The following ITSN2 variants were observed in gnomAD, a reference collection of about 807,000 sequenced individuals.
The protein encoded by ITSN2 is intersectin 2, also known as intersectin-2.
Under a neutral mutation model 243.7 loss-of-function variants are expected in ITSN2, and 156 were observed. The ratio of observed to expected loss-of-function variants is 0.64; its 90% CI spans 0.56 to 0.73. The LOEUF (loss-of-function observed/expected upper bound fraction) is 0.73. Ranked by LOEUF, ITSN2 falls within the 30% of genes least tolerant of loss-of-function variation. The pLI is 0.00. For synonymous variants in ITSN2, 703 were observed against 699.9 expected (o/e 1.00, Z -0.07); for missense variants, 1,801 against 1,996.1 (o/e 0.90, Z 1.86).
At chr2:24,268,546 G>A (rs893242096) in intron 20 of ITSN2, among the ~76,000 whole-genome samples, 12 of 152,224 alleles carry the variant, frequency 7.9e-5, no homozygotes, top group African/African-American at 2.6e-4. Flanking sequence ...TCTACACACT[G>A]ATCTGAGGGG....
intron 37 of ITSN2, chr2:24,206,396 G>GC (rs147395337): frequency 1.7e-5 from 4 of 239,982 alleles, no homozygotes; most frequent in East Asian, 1.7e-4. Context: ...GATGCAGGGG[G>GC]CCGGCGGGGA....
chr2:24,246,102 A>C, intron 29 of ITSN2, 27 bp downstream of exon 29: 1 of 1,523,310 alleles, frequency 6.6e-7, no homozygotes, highest in Non-Finnish European at 9.0e-7. Flanking sequence ...ACACTAGGTG[A>C]GAGAAAAATA....
chr2:24,204,439 GAC>G lies in ITSN2; in HGVS notation c.4763-23_4763-22del, dbSNP rs778220847. 6.2e-7 allele frequency: 1 copy of G among 1,608,032 alleles called. No individual in the cohort carries two copies. The highest frequency in any genetic ancestry group is 1.3e-5 in the African/African-American group (1 of 74,820). On this transcript the variant is annotated intron_variant, in intron 38 of 39. Transcript: ENST00000355123. This position sits in a 1 kb window ranked among gnomAD's most constrained non-coding sequence, Gnocchi z 5.1. ...CTTTCCTGAACAAAAACAAACCACA[GAC>G]ACATGTGGTGCATGCAGGTAAAACG...
Position 24,249,032 on chromosome 2 carries a change from A to T in ITSN2, c.3121-150T>A, listed in dbSNP as rs775127277. ...ATGACAATGAACCTCATGCAGTATT[A>T]ACAAATAAGTGAAAAATCCAACACT... On this transcript the variant is annotated intron_variant, in intron 25 of 39. Transcript: ENST00000355123. The surrounding 1 kb of genome is among the most constrained non-coding windows in gnomAD (Gnocchi z 4.4). 3 of 784,480 alleles carry T rather than the reference A, an allele frequency of 3.8e-6. No individual in the cohort carries two copies. The highest frequency in any genetic ancestry group is 6.2e-6 in the Non-Finnish European group (3 of 487,592). 48.6% of individuals were successfully genotyped at this position (784,480 alleles called of 1,614,324 possible). A position where few individuals can be genotyped will look rare whatever the true frequency, so the allele number is the denominator to read the frequency against.
upstream of ITSN2, among the ~76,000 whole-genome samples, chr2:24,361,044 T>A (rs367840429): frequency 2.0e-5 from 3 of 152,182 alleles, no homozygotes; most frequent in African/African-American, 7.2e-5. Context: ...ACAGGCCTCT[T>A]GAACCCTTCT....
intron 11 of ITSN2, 93 bp downstream of exon 11, chr2:24,301,061 T>C: frequency 1.5e-6 from 1 of 687,826 alleles, no homozygotes; most frequent in Non-Finnish European, 2.4e-6. Flanking sequence ...CATCAAATAT[T>C]AAAAATATAA....
At chr2:24,228,638 C>A (rs922988808) in intron 29 of ITSN2, among the ~76,000 whole-genome samples, 3 of 152,076 alleles carry the variant, frequency 2.0e-5, no homozygotes, top group African/African-American at 4.8e-5. Context: ...GGAAAGGTAA[C>A]CACTCAAAGA....
At chr2:24,216,438 G>C in intron 31 of ITSN2, 1 of 420,948 alleles carries the variant, frequency 2.4e-6, no homozygotes, top group Non-Finnish European at 4.2e-6. Context: ...TGTCAGCAAA[G>C]AAAAAAAAAG....
intron 20 of ITSN2, among the ~76,000 whole-genome samples, chr2:24,270,256 T>C (rs993225125): frequency 6.6e-6 from 1 of 152,228 alleles, no homozygotes; most frequent in African/African-American, 2.4e-5. Flanking sequence ...TATTCATGTA[T>C]TTTATATGGA....
intron 1 of ITSN2, among the ~76,000 whole-genome samples, chr2:24,352,432 C>G (rs1688105836): frequency 1.3e-5 from 2 of 152,118 alleles, no homozygotes; most frequent in Admixed American, 1.3e-4. Context: ...AATAAAAGGA[C>G]ATGTTTTTCT....
chr2:24,243,517 G>C (rs373434763), intron 29 of ITSN2, among the ~76,000 whole-genome samples: 1 of 151,948 alleles, frequency 6.6e-6, no homozygotes, highest in African/African-American at 2.4e-5. Context: ...TTTGAGACAG[G>C]GTCTCACTCT....
At chr2:24,279,391 A>G (rs573095906) in intron 17 of ITSN2, among the ~76,000 whole-genome samples, 1 of 152,360 alleles carries the variant, frequency 6.6e-6, no homozygotes, top group South Asian at 2.1e-4. Flanking sequence ...CCAAAATACT[A>G]AAGATATTTT....
At chr2:24,254,656 C>T (rs1674783913) in intron 23 of ITSN2, among the ~76,000 whole-genome samples, 1 of 151,972 alleles carries the variant, frequency 6.6e-6, no homozygotes, top group Admixed American at 6.6e-5. Flanking sequence ...TTTAAAATTT[C>T]AATATGATTT....
intron 17 of ITSN2, among the ~76,000 whole-genome samples, chr2:24,278,541 A>G (rs1362684379): frequency 2.6e-5 from 4 of 151,850 alleles, no homozygotes; most frequent in African/African-American, 9.7e-5. Flanking sequence ...CCTTAGACCT[A>G]TTCCTCTGGG....
intron 2 of ITSN2, among the ~76,000 whole-genome samples, chr2:24,322,825 A>G (rs1356092451): frequency 6.6e-6 from 1 of 152,190 alleles, no homozygotes; most frequent in African/African-American, 2.4e-5. Flanking sequence ...AACATATTCA[A>G]TAAATATAGG....
At chr2:24,259,590 T>TAATATGGCTG (rs1675540858) in intron 22 of ITSN2, among the ~76,000 whole-genome samples, 1 of 152,214 alleles carries the variant, frequency 6.6e-6, no homozygotes, top group East Asian at 1.9e-4. Flanking sequence ...CCTTTCTCCA[T>TAATATGGCTG]GAATCCTGTA....
At chr2:24,212,510 G>A in intron 33 of ITSN2, 140 bp downstream of exon 33, 2 of 620,028 alleles carry the variant, frequency 3.2e-6, no homozygotes, top group African/African-American at 1.9e-5. Context: ...TGGTCCCCGG[G>A]ACAGTGGGAT....
chr2:24,207,514 T>G (rs908729324), intron 37 of ITSN2, among the ~76,000 whole-genome samples: 4 of 151,962 alleles, frequency 2.6e-5, no homozygotes, highest in Admixed American at 6.6e-5. Context: ...GTGGCTAGCC[T>G]GACCCTGAAG....
In ITSN2 at chr2:24,223,706, G is replaced by A. The variant is rs1172366358; in HGVS notation, c.3578-2640C>T. The stretch of plus-strand genomic sequence containing the variant: ...TTCAAAAAAAAAAAAAAAAGGAAAA[G>A]AAAGGAACAGGGAGAAGGAAGGAAA... On this transcript the variant is annotated intron_variant, in intron 29 of 39. Transcript: ENST00000355123. 2.0e-4 allele frequency among the ~76,000 whole-genome samples: 24 copies of A among 120,600 alleles called. No individual in the cohort carries two copies. The South Asian group carries it at 5.0e-3, about 25-fold the overall frequency. 79.1% of individuals were successfully genotyped at this position (120,600 alleles called of 152,430 possible).
Sources: gnomAD v4.1 joint callset for allele counts (sites outside exome capture counted in the v4.1 genomes callset) on GRCh38, gnomAD v4.1.1 for gene constraint, Gnocchi (gnomAD v3.1) non-coding constraint, MANE v1.5 for transcripts, NCBI Gene and HGNC (gene_info 2026-07-23, HGNC 2026-07-21) for gene names.